The following ST18 variants were observed in gnomAD, a reference collection of about 807,000 sequenced individuals.
ST18 encodes ST18 C2H2C-type zinc finger transcription factor.
ST18 carries 50 observed loss-of-function variants against 110.0 expected under a neutral mutation model. The observed-to-expected ratio is 0.45, with a 90% CI of 0.36 to 0.58. The LOEUF is 0.58. ST18 is among the 20% of genes least tolerant of loss of function. ST18 has a pLI of 0.00. For missense variants in ST18, 1,306 were observed against 1,280.1 expected (o/e 1.02, Z -0.31); for synonymous variants, 461 against 452.4 (o/e 1.02, Z -0.24).
intron 2 of ST18, among the ~76,000 whole-genome samples, chr8:52,234,985 G>T (rs868533292): frequency 4.6e-5 from 7 of 151,996 alleles, no homozygotes; most frequent in Non-Finnish European, 7.4e-5. Flanking sequence ...AAGAGGGTAA[G>T]GAATAAAAGA....
intron 2 of ST18, among the ~76,000 whole-genome samples, chr8:52,357,723 A>ATATTTATT (rs1554845187): frequency 1.3e-5 from 1 of 78,078 alleles, no homozygotes; most frequent in African/African-American, 9.5e-5. Context: ...ATATATATAT[A>ATATTTATT]TATATATAAA....
intron 2 of ST18, among the ~76,000 whole-genome samples, chr8:52,273,848 C>T (rs1173211221): frequency 6.6e-6 from 1 of 152,058 alleles, no homozygotes; most frequent in East Asian, 1.9e-4. Flanking sequence ...CTAATTAAGC[C>T]TAGAAAATGT....
chr8:52,318,606 T>G (rs1027887799), intron 2 of ST18, among the ~76,000 whole-genome samples: 3 of 152,176 alleles, frequency 2.0e-5, no homozygotes, highest in African/African-American at 7.2e-5. Context: ...CGTATGTTCA[T>G]TGCAGCACTA....
intron 2 of ST18, among the ~76,000 whole-genome samples, chr8:52,333,343 A>T (rs1810502589): frequency 6.6e-6 from 1 of 152,086 alleles, no homozygotes; most frequent in African/African-American, 2.4e-5. Flanking sequence ...AGCAGCTGAG[A>T]GAACACCACT....
intron 17 of ST18, among the ~76,000 whole-genome samples, chr8:52,140,626 G>T (rs1265839071): frequency 1.3e-5 from 2 of 151,414 alleles, no homozygotes; most frequent in Non-Finnish European, 2.9e-5. Flanking sequence ...CTCTGAGAGA[G>T]TAATTTCTTA....
intron 19 of ST18, 98 bp from the exon 20 acceptor site, chr8:52,133,399 G>A (rs1266997998): frequency 7.1e-7 from 1 of 1,407,488 alleles, no homozygotes; most frequent in Admixed American, 1.7e-5. Flanking sequence ...TCACATTAAT[G>A]TTCCAAGTCT....
At chr8:52,155,590 G>T (rs540419160) in intron 15 of ST18, among the ~76,000 whole-genome samples, 19 of 152,278 alleles carry the variant, frequency 1.2e-4, no homozygotes, top group African/African-American at 4.6e-4. Context: ...TTGGGAAGGG[G>T]TGGATCAGTG....
chr8:52,356,489 T>G (rs890411091), intron 2 of ST18, among the ~76,000 whole-genome samples: 2 of 152,110 alleles, frequency 1.3e-5, no homozygotes, highest in African/African-American at 4.8e-5. Flanking sequence ...AGCAACAAAC[T>G]TCAGTGAAGG....
At chr8:52,182,785 C>T (rs1392568806) in intron 8 of ST18, among the ~76,000 whole-genome samples, 1 of 151,930 alleles carries the variant, frequency 6.6e-6, no homozygotes, top group Non-Finnish European at 1.5e-5. Context: ...GCTGCATGTT[C>T]CATAACAGGA....
At chr8:52,171,569 CT>C in intron 10 of ST18, 2 of 648,640 alleles carry the variant, frequency 3.1e-6, no homozygotes, top group Admixed American at 2.1e-5. Context: ...TTCAATGAAC[CT>C]TTTTTCATGT....
intron 8 of ST18, among the ~76,000 whole-genome samples, chr8:52,197,872 A>C (rs2135316182): frequency 7.0e-6 from 1 of 142,200 alleles, no homozygotes; most frequent in Non-Finnish European, 1.5e-5. Context: ...CAGAGGGAAA[A>C]CAGCAAAACA....
chr8:52,155,738 T>C (rs1410590918), intron 15 of ST18, among the ~76,000 whole-genome samples: 5 of 152,224 alleles, frequency 3.3e-5, no homozygotes, highest in Non-Finnish European at 7.3e-5. Flanking sequence ...CCTCTGCTCC[T>C]ATGATCTTCT....
intron 2 of ST18, among the ~76,000 whole-genome samples, chr8:52,250,465 A>AAAAAAAAAAAAAAG: frequency 6.7e-6 from 1 of 149,728 alleles, no homozygotes; most frequent in Non-Finnish European, 1.5e-5. Context: ...AAAAAAAAAA[A>AAAAAAAAAAAAAAG]AAAAAAAAAA....
At chr8:52,129,051 A>G (rs2048172684) in intron 22 of ST18, among the ~76,000 whole-genome samples, 1 of 132,586 alleles carries the variant, frequency 7.5e-6, no homozygotes. Context: ...CATGTAAGTC[A>G]TCCTGCATAT....
intron 8 of ST18, among the ~76,000 whole-genome samples, chr8:52,199,902 A>G (rs2077384687): frequency 6.6e-6 from 1 of 152,160 alleles, no homozygotes; most frequent in Non-Finnish European, 1.5e-5. Flanking sequence ...TCTTCCTTCA[A>G]ACTCAGGTCA....
At chr8:52,392,065 C>A (rs1338320179) in intron 2 of ST18, among the ~76,000 whole-genome samples, 1 of 152,166 alleles carries the variant, frequency 6.6e-6, no homozygotes, top group African/African-American at 2.4e-5. Context: ...CCTCTCTGAG[C>A]CTTGATTTCC....
intron 2 of ST18, among the ~76,000 whole-genome samples, chr8:52,343,865 C>T (rs1483415610): frequency 6.6e-6 from 1 of 152,128 alleles, no homozygotes; most frequent in Non-Finnish European, 1.5e-5. Flanking sequence ...ATTAACATTT[C>T]CTGCTATTTT....
chr8:52,306,502 G>T (rs112238140), intron 2 of ST18, among the ~76,000 whole-genome samples: 2,185 of 152,296 alleles, frequency 0.014, 28 homozygotes, highest in Non-Finnish European at 0.023. Context: ...ATTGTGAAGG[G>T]CATTGTGTAC....
intron 2 of ST18, among the ~76,000 whole-genome samples, chr8:52,402,254 A>G (rs796523218): frequency 5.3e-5 from 8 of 152,310 alleles, no homozygotes; most frequent in African/African-American, 1.9e-4. Flanking sequence ...ACAGGCAGCC[A>G]TAGCATCACT....
Sources: gnomAD v4.1 joint callset for allele counts (sites outside exome capture counted in the v4.1 genomes callset) on GRCh38, gnomAD v4.1.1 for gene constraint, MANE v1.5 for transcripts, NCBI Gene and HGNC (gene_info 2026-07-23, HGNC 2026-07-21) for gene names.